DCBLD2: variants seen among roughly 807,000 people sequenced by gnomAD.
DCBLD2 encodes discoidin, CUB and LCCL domain containing 2, also known as discoidin, CUB and LCCL domain-containing protein 2.
Under a neutral mutation model 86.8 loss-of-function variants are expected in DCBLD2, and 54 were observed. That is an observed-to-expected ratio of 0.62 (90% CI 0.50 to 0.78). The LOEUF (loss-of-function observed/expected upper bound fraction) is 0.78. DCBLD2 is among the 30% of genes least tolerant of loss of function. The pLI is 0.00. For synonymous variants in DCBLD2, 354 were observed against 341.3 expected, an observed-to-expected ratio of 1.04 and a Z score of -0.41; for missense variants, 908 against 954.2, an observed-to-expected ratio of 0.95 and a Z score of 0.64.
rs555785008 is a variant in DCBLD2, at chr3:98,820,500, C to G, written c.831-212G>C. ...CTGAAATCAGCATAAACAGCTTTCT[C>G]TACAAGTATCTAGCACCCAGTTTCA... On this transcript the variant is annotated intron_variant, in intron 6 of 15. Coordinates refer to ENST00000326840, the MANE Select transcript of DCBLD2 (RefSeq NM_080927.4). Among the ~76,000 whole-genome samples the G allele has an allele frequency of 8.5e-5, 13 of 152,260 alleles. 1 individual carries two copies. The South Asian group carries it at 2.7e-3, about 32-fold the overall frequency.
intron 2 of DCBLD2, among the ~76,000 whole-genome samples, chr3:98,859,512 G>A (rs370577871): frequency 1.3e-5 from 2 of 152,118 alleles, no homozygotes; most frequent in Non-Finnish European, 2.9e-5. Context: ...GGCCGGGTAC[G>A]CCTCTGAGAC....
intron 1 of DCBLD2, among the ~76,000 whole-genome samples, chr3:98,885,952 G>C (rs965453767): frequency 6.6e-6 from 1 of 151,600 alleles, no homozygotes; most frequent in African/African-American, 2.4e-5. Flanking sequence ...ATGCACAGGA[G>C]GTCCCTCAGA....
At position 98,901,153 on chromosome 3, in the gene DCBLD2, G is replaced by A. The variant is rs17852693; in HGVS notation, c.174C>T (p.Leu58=). The part of the protein sequence containing the change: ...PLFLLLLLVL[L]LLLEDAGAQQ... ...GGGCTCCAGCGTCCTCGAGCAGCAGGAGCAGGACAAGTAAGAGCAGGAGGA... is the reference window on the plus strand; with the variant it reads ...GGGCTCCAGCGTCCTCGAGCAGCAGAAGCAGGACAAGTAAGAGCAGGAGGA... Residue 58 remains leucine, a synonymous_variant, in exon 1 of 16, where the codon CTC becomes CTT. Transcript: ENST00000326840. 6 of 1,538,828 alleles carry A rather than the reference G, an allele frequency of 3.9e-6. No individual in the cohort carries two copies. The East Asian group carries it at 7.3e-5, about 19-fold the overall frequency.
Position 98,808,072 on chromosome 3 carries a change from T to C in DCBLD2, c.1670+9A>G, listed in dbSNP as rs771675780. On this transcript the variant is annotated intron_variant, in intron 13 of 15. Coordinates refer to ENST00000326840, the MANE Select transcript of DCBLD2 (RefSeq NM_080927.4). ...GTTTTGGACTCAGGTGAACTAGTTATGTACTAACCTGTTTCTCCAGTGCCA... is the reference window on the plus strand; with the variant it reads ...GTTTTGGACTCAGGTGAACTAGTTACGTACTAACCTGTTTCTCCAGTGCCA... The C allele has an allele frequency of 5.1e-6, 8 of 1,567,892 alleles. 1 individual carries two copies. In the South Asian group the frequency reaches 8.6e-5, roughly 17 times the overall value.
rs1283004643 is a variant in DCBLD2 at position 98,836,683 on chromosome 3, G to A, written c.572-11317C>T. On this transcript the variant is annotated intron_variant, in intron 3 of 15. Coordinates refer to ENST00000326840, the MANE Select transcript of DCBLD2 (RefSeq NM_080927.4). ...CCAGTAGGGGCGGCCGGGCAGAGGC[G>A]CCCATCACCTCCCGGACGGGGCGGC... Among the ~76,000 whole-genome samples the A allele has an allele frequency of 9.5e-5, 10 of 105,040 alleles. 1 individual carries two copies. Among genetic ancestry groups the A allele is most frequent in the African/African-American group, 1.4e-4 (4 of 27,594 alleles). The allele number at this position is 105,040 out of a possible 152,430, so 68.9% of individuals were successfully genotyped here.
chr3:98,824,009 G>C (rs1942170488), intron 4 of DCBLD2, among the ~76,000 whole-genome samples: 1 of 152,152 alleles, frequency 6.6e-6, no homozygotes, highest in African/African-American at 2.4e-5. Context: ...AGAGGGATGA[G>C]CACAGCATGA....
At chr3:98,830,062 T>C (rs1324534943) in intron 3 of DCBLD2, among the ~76,000 whole-genome samples, 1 of 152,216 alleles carries the variant, frequency 6.6e-6, no homozygotes, top group Non-Finnish European at 1.5e-5. Flanking sequence ...TGTCTGCTCA[T>C]GTTCTTTACC....
chr3:98,797,627 G>T lies in DCBLD2; in HGVS notation c.*1745C>A, dbSNP rs1332128852. Reference sequence around the variant, plus strand: ...AATATGTATTGATTCTTCAATGAATGAAATCACGCCTCAAAGTTTGGAGAA... The same window carrying T: ...AATATGTATTGATTCTTCAATGAATTAAATCACGCCTCAAAGTTTGGAGAA... On this transcript the variant is annotated 3_prime_UTR_variant, in exon 16 of 16. Coordinates refer to ENST00000326840, the MANE Select transcript of DCBLD2 (RefSeq NM_080927.4). 6.6e-6 allele frequency: 1 copy of T among 152,132 alleles called. No individual in the cohort carries two copies. The highest frequency in any genetic ancestry group is 2.4e-5 in the African/African-American group (1 of 41,426). The allele number at this position is 152,132 out of a possible 1,614,324, so 9.4% of individuals were successfully genotyped here.
intron 2 of DCBLD2, among the ~76,000 whole-genome samples, chr3:98,868,942 A>G (rs1943210328): frequency 6.6e-6 from 1 of 152,130 alleles, no homozygotes; most frequent in African/African-American, 2.4e-5. Context: ...TAGTGCAGGT[A>G]TCTTTTTGAT....
At chr3:98,847,825 C>G (rs1185724602) in intron 3 of DCBLD2, among the ~76,000 whole-genome samples, 1 of 151,360 alleles carries the variant, frequency 6.6e-6, no homozygotes, top group African/African-American at 2.4e-5. Flanking sequence ...ACTAGCAACA[C>G]TTATTAAACT....
At chr3:98,869,857 A>C (rs901421137) in intron 2 of DCBLD2, among the ~76,000 whole-genome samples, 5 of 152,198 alleles carry the variant, frequency 3.3e-5, no homozygotes, top group Non-Finnish European at 7.3e-5. Context: ...GTTTTCTAAG[A>C]TTTGACATTT....
rs141808828 is a variant in DCBLD2 at position 98,864,783 on chromosome 3, A to G, written c.434-15185T>C. Among the ~76,000 whole-genome samples the G allele has an allele frequency of 2.6e-4, 40 of 151,936 alleles. No homozygotes were observed. In the East Asian group the frequency reaches 6.4e-3, roughly 24 times the overall value. On this transcript the variant is annotated intron_variant, in intron 2 of 15. Coordinates refer to ENST00000326840, the MANE Select transcript of DCBLD2 (RefSeq NM_080927.4). Reference sequence around the variant, plus strand: ...ACGAGTTAATGGGTGCAGCATACCAACATGGCTCATGCATACATATGTAAA... The same window carrying G: ...ACGAGTTAATGGGTGCAGCATACCAGCATGGCTCATGCATACATATGTAAA...
At chr3:98,855,985 T>C (rs972005816) in intron 2 of DCBLD2, among the ~76,000 whole-genome samples, 1 of 152,208 alleles carries the variant, frequency 6.6e-6, no homozygotes, top group African/African-American at 2.4e-5. Flanking sequence ...CAGTTTCTCA[T>C]GCCAAGTATG....
intron 1 of DCBLD2, among the ~76,000 whole-genome samples, chr3:98,895,620 A>G (rs1164217460): frequency 2.6e-5 from 4 of 152,168 alleles, no homozygotes; most frequent in Admixed American, 6.5e-5. Flanking sequence ...CTACTTCTCC[A>G]GGAGTTGTGA....
chr3:98,848,014 G>C (rs531907803), intron 3 of DCBLD2, among the ~76,000 whole-genome samples: 6 of 152,080 alleles, frequency 3.9e-5, no homozygotes, highest in Non-Finnish European at 8.8e-5. Context: ...TACATGTGCA[G>C]GTTTGTTCCA....
chr3:98,859,209 G>T (rs1942994069), intron 2 of DCBLD2, among the ~76,000 whole-genome samples: 1 of 152,168 alleles, frequency 6.6e-6, no homozygotes, highest in East Asian at 1.9e-4. Context: ...GGGTTGAGTA[G>T]GTAAACAAAG....
rs1450924969 is a variant in DCBLD2 at position 98,866,427 on chromosome 3, T to A, written c.433+15113A>T. On this transcript the variant is annotated intron_variant, in intron 2 of 15. Transcript: ENST00000326840. Reference sequence around the variant, plus strand: ...CTAACTGGTGTGAGATGGTATCTCATTGTGGTTTTGATTTGCATTTCTCTG... The same window carrying A: ...CTAACTGGTGTGAGATGGTATCTCAATGTGGTTTTGATTTGCATTTCTCTG... Among the ~76,000 whole-genome samples, 4 of 152,208 alleles carry A rather than the reference T, an allele frequency of 2.6e-5. No homozygotes were observed. The South Asian group carries it at 8.3e-4, about 31-fold the overall frequency.
At chr3:98,894,885 G>A (rs1002978735) in intron 1 of DCBLD2, among the ~76,000 whole-genome samples, 2 of 151,972 alleles carry the variant, frequency 1.3e-5, no homozygotes, top group South Asian at 4.2e-4. Flanking sequence ...AACTCTCTCC[G>A]CTGGCAGGAA....
intron 2 of DCBLD2, among the ~76,000 whole-genome samples, chr3:98,868,286 A>G (rs1007440980): frequency 6.6e-6 from 1 of 152,180 alleles, no homozygotes; most frequent in African/African-American, 2.4e-5. Flanking sequence ...GGAGGACTTG[A>G]GGAAAAAGAC....
Sources: allele counts gnomAD v4.1 joint callset (sites outside exome capture counted in the v4.1 genomes callset), GRCh38; gene constraint gnomAD v4.1.1; transcripts MANE v1.5; gene names NCBI Gene and HGNC (gene_info 2026-07-23, HGNC 2026-07-21).